The following CFAP77 variants were observed in gnomAD, a reference collection of about 807,000 sequenced individuals.
CFAP77 encodes the protein cilia and flagella associated protein 77, also known as cilia- and flagella-associated protein 77.
A neutral mutation model predicts 31.1 loss-of-function variants in CFAP77; 25 were observed. The ratio of observed to expected loss-of-function variants is 0.80; its 90% CI spans 0.59 to 1.12. CFAP77 has a LOEUF of 1.12. Among genes scored for constraint, CFAP77 ranks in the 50% most tolerant of loss-of-function variants. The pLI, the probability that CFAP77 is intolerant of heterozygous loss-of-function variation, is 0.00. For missense variants in CFAP77, 377 were observed against 397.3 expected, an observed-to-expected ratio of 0.95 and a Z score of 0.44; for synonymous variants, 151 against 159.9, an observed-to-expected ratio of 0.94 and a Z score of 0.42.
intron 3 of CFAP77, among the ~76,000 whole-genome samples, chr9:132,516,590 TACACACACACACAC>T (rs34683089): frequency 6.9e-6 from 1 of 145,052 alleles, no homozygotes; most frequent in African/African-American, 2.5e-5. Flanking sequence ...CACACAGAAA[TACACACACACACAC>T]ACACACACAC....
intron 1 of CFAP77, among the ~76,000 whole-genome samples, chr9:132,418,463 C>G (rs796373160): frequency 4.6e-5 from 7 of 152,342 alleles, no homozygotes; most frequent in African/African-American, 1.7e-4. Context: ...TCTCTTGTAA[C>G]CTAATGCAAA....
rs566710121 is a variant in CFAP77 at position 132,501,527 on chromosome 9, C to T, written c.524+1927C>T. Among the ~76,000 whole-genome samples, 249 of 152,188 alleles carry T rather than the reference C, an allele frequency of 1.6e-3. 1 individual carries two copies. The highest frequency in any genetic ancestry group is 5.4e-3 in the African/African-American group (225 of 41,526). ...CAGTGATTCTCCTGCCTCAGCCTCC[C>T]GAGTAGCTGGGACTACAGGCGTGCA... On this transcript the variant is annotated intron_variant, in intron 3 of 5. Coordinates refer to ENST00000393216, the MANE Select transcript of CFAP77 (RefSeq NM_001282957.2). This position sits in a 1 kb window ranked among gnomAD's most constrained non-coding sequence, Gnocchi z 4.6.
At chr9:132,429,681 AAC>A (rs1490110381) in intron 1 of CFAP77, among the ~76,000 whole-genome samples, 4 of 146,670 alleles carry the variant, frequency 2.7e-5, no homozygotes, top group Admixed American at 6.8e-5. Context: ...CGTCTCTACT[AAC>A]AAAATACAAA....
At chr9:132,509,132 T>C (rs1465567175) in intron 3 of CFAP77, among the ~76,000 whole-genome samples, 1 of 152,102 alleles carries the variant, frequency 6.6e-6, no homozygotes, top group Admixed American at 6.6e-5. Context: ...ACAGAGCAAA[T>C]GGATTAATCC....
chr9:132,499,227 G>T lies in CFAP77; in HGVS notation c.296-145G>T. 1 of 694,848 alleles carries T rather than the reference G, an allele frequency of 1.4e-6. No homozygotes were observed. The highest frequency in any genetic ancestry group is 2.8e-5 in the Admixed American group (1 of 35,402). 43.0% of individuals were successfully genotyped at this position (694,848 alleles called of 1,614,324 possible). ...GCCGTTTTGGGCCATCATGCTTTCT[G>T]GGGGCCAGGCAGGGTTGTCACCCAG... is the stretch of plus-strand genomic sequence containing the variant. On this transcript the variant is annotated intron_variant, in intron 2 of 5. Transcript: ENST00000393216. This position sits in a 1 kb window ranked among gnomAD's most constrained non-coding sequence, Gnocchi z 5.4.
intron 5 of CFAP77, among the ~76,000 whole-genome samples, chr9:132,571,649 T>A (rs1829961093): frequency 1.3e-5 from 2 of 152,218 alleles, no homozygotes; most frequent in African/African-American, 2.4e-5. Context: ...CTTTCCACCC[T>A]GTGCCGCCCT....
intron 5 of CFAP77, among the ~76,000 whole-genome samples, chr9:132,553,726 G>C (rs1251002279): frequency 1.3e-5 from 2 of 152,252 alleles, no homozygotes; most frequent in African/African-American, 4.8e-5. Flanking sequence ...TGCAACAACA[G>C]TGGACGGCCT....
intron 4 of CFAP77, among the ~76,000 whole-genome samples, chr9:132,541,890 G>A (rs1852649505): frequency 6.6e-6 from 1 of 152,002 alleles, no homozygotes; most frequent in African/African-American, 2.4e-5. Context: ...CACACCATGG[G>A]AGGTGACGCG....
At chr9:132,448,440 G>A (rs1850765612) in intron 1 of CFAP77, among the ~76,000 whole-genome samples, 1 of 152,138 alleles carries the variant, frequency 6.6e-6, no homozygotes, top group African/African-American at 2.4e-5. Flanking sequence ...GGTATTTACT[G>A]AACTTCTCTG....
At chr9:132,540,286 C>T (rs972906900) in intron 4 of CFAP77, among the ~76,000 whole-genome samples, 5 of 152,062 alleles carry the variant, frequency 3.3e-5, no homozygotes, top group African/African-American at 9.7e-5. Context: ...GTTGGTAAAC[C>T]GACCCCATCT....
At chr9:132,441,511 G>A (rs1850615536) in intron 1 of CFAP77, among the ~76,000 whole-genome samples, 1 of 152,164 alleles carries the variant, frequency 6.6e-6, no homozygotes, top group African/African-American at 2.4e-5. Flanking sequence ...GAGGGCCACA[G>A]ACACCCTCCC....
At chr9:132,522,926 A>T (rs1852294396) in intron 3 of CFAP77, among the ~76,000 whole-genome samples, 2 of 152,232 alleles carry the variant, frequency 1.3e-5, no homozygotes, top group Admixed American at 1.3e-4. Context: ...GCCAACTCTC[A>T]GGAGTCCTTT....
intron 4 of CFAP77, 37 bp from the exon 5 acceptor site, chr9:132,542,909 G>C: frequency 1.3e-6 from 2 of 1,536,916 alleles, no homozygotes; most frequent in Non-Finnish European, 1.8e-6. Context: ...CAAGTAGCCG[G>C]GCAACCATCT....
intron 3 of CFAP77, among the ~76,000 whole-genome samples, chr9:132,529,718 C>T (rs1445812713): frequency 2.6e-5 from 4 of 151,024 alleles, no homozygotes; most frequent in Admixed American, 6.6e-5. Flanking sequence ...CCCAGCTACT[C>T]GGGAGGCTGA....
intron 3 of CFAP77, among the ~76,000 whole-genome samples, chr9:132,523,625 T>C (rs1350598329): frequency 1.3e-5 from 2 of 152,230 alleles, no homozygotes; most frequent in African/African-American, 4.8e-5. Context: ...CGAGAACACC[T>C]GAGCCCTGAC....
Position 132,491,028 on chromosome 9 carries a change from G to A in CFAP77, c.196-7667G>A, listed in dbSNP as rs1019178383. On this transcript the variant is annotated intron_variant, in intron 1 of 5. Transcript: ENST00000393216. ...GGGTGTGTGTGTGGGTGCGCCCTGC[G>A]AGGGTGTGTGTTGGTGCTAACCTGT... is the stretch of plus-strand genomic sequence containing the variant. 5.9e-5 allele frequency among the ~76,000 whole-genome samples: 9 copies of A among 152,102 alleles called. 1 individual carries two copies. In the East Asian group the frequency reaches 7.7e-4, roughly 13 times the overall value.
intron 1 of CFAP77, among the ~76,000 whole-genome samples, chr9:132,476,395 C>T (rs1258770297): frequency 6.6e-6 from 1 of 152,086 alleles, no homozygotes; most frequent in Non-Finnish European, 1.5e-5. Context: ...CAGAACTTTG[C>T]TTATGTCTGT....
intron 3 of CFAP77, among the ~76,000 whole-genome samples, chr9:132,516,146 T>A (rs1256124691): frequency 6.6e-6 from 1 of 152,180 alleles, no homozygotes. Context: ...TACCAGATCA[T>A]CTAACATCTC....
Position 132,481,964 on chromosome 9 carries a change from G to A in CFAP77, c.196-16731G>A, listed in dbSNP as rs111848768. On this transcript the variant is annotated intron_variant, in intron 1 of 5. Transcript: ENST00000393216. This position sits in a 1 kb window ranked among gnomAD's most constrained non-coding sequence, Gnocchi z 5.0. ...AAGGAACAAGGGTTTATGGTTGGGG[G>A]GGGGGGGGGCGGCGGAACACTGAAC... Among the ~76,000 whole-genome samples the A allele has an allele frequency of 4.6e-4, 63 of 137,954 alleles. 1 individual carries two copies. In the East Asian group the frequency reaches 0.034, roughly 75 times the overall value. 90.5% of individuals were successfully genotyped at this position (137,954 alleles called of 152,430 possible).
Sources: gnomAD v4.1 joint callset for allele counts (sites outside exome capture counted in the v4.1 genomes callset) on GRCh38, gnomAD v4.1.1 for gene constraint, Gnocchi (gnomAD v3.1) non-coding constraint, MANE v1.5 for transcripts, NCBI Gene and HGNC (gene_info 2026-07-23, HGNC 2026-07-21) for gene names.